SLC51A: variants seen among roughly 807,000 people sequenced by gnomAD.
SLC51A encodes the protein solute carrier family 51 member A.
A neutral mutation model predicts 34.8 loss-of-function variants in SLC51A; 22 were observed. That is an observed-to-expected ratio of 0.63 (90% CI 0.45 to 0.90). SLC51A has a LOEUF of 0.90. SLC51A is among the 40% of genes least tolerant of loss of function. SLC51A has a pLI of 0.00. For synonymous variants in SLC51A, 181 were observed against 176.3 expected (o/e 1.03, Z -0.21); for missense variants, 371 against 414.8 (o/e 0.89, Z 0.92).
intron 3 of SLC51A, 130 bp downstream of exon 3, chr3:196,227,249 T>G (rs1197150375): frequency 1.1e-6 from 1 of 948,204 alleles, no homozygotes; most frequent in Non-Finnish European, 1.6e-6. Flanking sequence ...GGCCGAGGTT[T>G]GCAGGCCGAC....
chr3:196,217,789 C>T, intron 1 of SLC51A, 53 bp from the exon 2 acceptor site: 1 of 1,536,286 alleles, frequency 6.5e-7, no homozygotes, highest in Non-Finnish European at 8.9e-7. Flanking sequence ...GTGTGCAACC[C>T]TCCCCCTTCC....
intron 2 of SLC51A, among the ~76,000 whole-genome samples, chr3:196,218,991 C>T (rs1267663807): frequency 6.6e-6 from 1 of 152,036 alleles, no homozygotes; most frequent in Non-Finnish European, 1.5e-5. Flanking sequence ...TTTGGGAGGC[C>T]GAGGCAGGTG....
At chr3:196,232,860 C>A (rs1724056749) in intron 8 of SLC51A, 1 of 611,650 alleles carries the variant, frequency 1.6e-6, no homozygotes, top group Admixed American at 3.0e-5. Context: ...ATGCCAGCCT[C>A]AGAGCACAGA....
At chr3:196,227,237 A>G (rs1235309740) in intron 3 of SLC51A, 118 bp downstream of exon 3, 2 of 1,126,036 alleles carry the variant, frequency 1.8e-6, no homozygotes, top group Non-Finnish European at 2.5e-6. Flanking sequence ...CGACCCGCGG[A>G]GGGCCGAGGT....
chr3:196,229,883 C>G, intron 6 of SLC51A, 32 bp from the exon 7 acceptor site: 1 of 1,567,136 alleles, frequency 6.4e-7, no homozygotes, highest in Non-Finnish European at 8.6e-7. Flanking sequence ...GAGAGCTTGC[C>G]TGCCTCACTG....
At chr3:196,227,169 A>T (rs753020597) in intron 3 of SLC51A, 50 bp downstream of exon 3, 1 of 1,588,772 alleles carries the variant, frequency 6.3e-7, no homozygotes, top group East Asian at 2.2e-5. Context: ...GAAGGCAGAG[A>T]CCAAGGTGAG....
In SLC51A at chr3:196,228,720, C is replaced by T; in HGVS notation, c.522-89C>T. 1 of 1,095,234 alleles carries T rather than the reference C, an allele frequency of 9.1e-7. No homozygotes were observed. Among genetic ancestry groups the T allele is most frequent in the Non-Finnish European group, 1.4e-6 (1 of 712,232 alleles). The allele number at this position is 1,095,234 out of a possible 1,614,324, so 67.8% of individuals were successfully genotyped here. The stretch of plus-strand genomic sequence containing the variant: ...TTGGTGTTTATGACAGCAGCCGAGC[C>T]TCAGCCCAGGAGCCCTGTGAGGAGC... On this transcript the variant is annotated intron_variant, in intron 5 of 8. Coordinates refer to ENST00000296327, the MANE Select transcript of SLC51A (RefSeq NM_152672.6). The surrounding 1 kb of genome is among the most constrained non-coding windows in gnomAD (Gnocchi z 4.9).
At chr3:196,223,872 T>G (rs1437818059) in intron 2 of SLC51A, 3 of 420,378 alleles carry the variant, frequency 7.1e-6, no homozygotes. Context: ...TTTTTTTTTT[T>G]TTTTTCAGAC....
At chr3:196,227,257 G>A (rs1037663776) in intron 3 of SLC51A, 138 bp downstream of exon 3, 15 of 836,670 alleles carry the variant, frequency 1.8e-5, no homozygotes, top group South Asian at 1.4e-4. Context: ...TTTGCAGGCC[G>A]ACCTCCCCTT....
intron 3 of SLC51A, 112 bp downstream of exon 3, chr3:196,227,231 C>G: frequency 1.7e-6 from 2 of 1,149,646 alleles, no homozygotes; most frequent in Non-Finnish European, 2.5e-6. Flanking sequence ...CTGCCACGAC[C>G]CGCGGAGGGC....
At position 196,228,167 on chromosome 3, in the gene SLC51A, G is replaced by T. The variant is rs1331670390; in HGVS notation, c.415G>T (p.Gly139Trp). 1.2e-6 allele frequency: 2 copies of T among 1,614,128 alleles called. No homozygotes were observed. The highest frequency in any genetic ancestry group is 2.2e-5 in the East Asian group (1 of 44,884). The change falls in exon 5 of 9, where the codon GGG becomes TGG. Residue 139 changes from glycine (G) to tryptophan (W), a missense_variant. Gly to Trp is a radical substitution (Grantham distance 184). Coordinates refer to ENST00000296327, the MANE Select transcript of SLC51A (RefSeq NM_152672.6). The surrounding 1 kb of genome is among the most constrained non-coding windows in gnomAD (Gnocchi z 4.9). ...GATGCTGGTCATGGTGGAAGGCTTT[G>T]GGGGGAAGGAGGCAGTGCTGAGGAC... ...LLMLVMVEGF[G>W]GKEAVLRTLR...
chr3:196,219,932 A>C (rs1723701673), intron 2 of SLC51A, among the ~76,000 whole-genome samples: 4 of 152,258 alleles, frequency 2.6e-5, no homozygotes, highest in Admixed American at 1.3e-4. Context: ...CGGAAACCCC[A>C]AGGCTGTTCA....
intron 7 of SLC51A, 111 bp downstream of exon 7, chr3:196,230,172 C>A (rs952599865): frequency 2.1e-5 from 22 of 1,024,820 alleles, no homozygotes; most frequent in Non-Finnish European, 2.7e-5. Context: ...TTTTCATAAG[C>A]CTCACGTCTC....
At chr3:196,232,856 G>A (rs769837287) in intron 8 of SLC51A, 6 of 606,822 alleles carry the variant, frequency 9.9e-6, no homozygotes, top group Non-Finnish European at 1.7e-5. Context: ...CTGTATGCCA[G>A]CCTCAGAGCA....
At chr3:196,218,307 G>T (rs1169760483) in intron 2 of SLC51A, among the ~76,000 whole-genome samples, 1 of 152,236 alleles carries the variant, frequency 6.6e-6, no homozygotes, top group Non-Finnish European at 1.5e-5. Context: ...AGGGCTGCAC[G>T]GCATCCGCCC....
At chr3:196,226,092 G>A (rs1463177111) in intron 2 of SLC51A, among the ~76,000 whole-genome samples, 1 of 152,184 alleles carries the variant, frequency 6.6e-6, no homozygotes, top group Non-Finnish European at 1.5e-5. Context: ...CAGGGTGGAA[G>A]GACTGCTTAA....
intron 2 of SLC51A, among the ~76,000 whole-genome samples, chr3:196,224,584 G>A (rs1252973545): frequency 6.6e-6 from 1 of 150,432 alleles, no homozygotes; most frequent in Non-Finnish European, 1.5e-5. Flanking sequence ...GCTGAGGCAG[G>A]AGAATCACTT....
chr3:196,216,611 ACCCCGGCCCAGGCAAGCCACCCTGC>A lies in SLC51A; in HGVS notation c.-92_-68del, dbSNP rs1178926194. 6 of 913,350 alleles carry A rather than the reference ACCCCGGCCCAGGCAAGCCACCCTGC, an allele frequency of 6.6e-6. No homozygotes were observed. Among genetic ancestry groups the A allele is most frequent in the Non-Finnish European group, 1.0e-5 (6 of 586,940 alleles). The allele number at this position is 913,350 out of a possible 1,614,324, so 56.6% of individuals were successfully genotyped here. On this transcript the variant is annotated 5_prime_UTR_variant, in exon 1 of 9. Transcript: ENST00000296327. The surrounding 1 kb of genome is among the most constrained non-coding windows in gnomAD (Gnocchi z 4.5). ...GACTCTGCAATTCTGCTTGCCCCCC[ACCCCGGCCCAGGCAAGCCACCCTGC>A]CCCCGGCCCCCACCTGCCCGCCCCG...
intron 4 of SLC51A, 23 bp downstream of exon 4, chr3:196,227,760 C>A: frequency 6.3e-7 from 1 of 1,599,740 alleles, no homozygotes; most frequent in Non-Finnish European, 8.5e-7. Context: ...CCTCGCCCCA[C>A]CTCCAAGGGC....
Sources: allele counts gnomAD v4.1 joint callset (sites outside exome capture counted in the v4.1 genomes callset), GRCh38; gene constraint gnomAD v4.1.1; non-coding constraint Gnocchi (gnomAD v3.1); transcripts MANE v1.5; gene names NCBI Gene and HGNC (gene_info 2026-07-23, HGNC 2026-07-21).